ANOS1: variants seen among roughly 807,000 people sequenced by gnomAD.
ANOS1 encodes the protein anosmin-1.
In ANOS1, 6 loss-of-function variants were observed where a neutral mutation model predicts 59.0. That is an observed-to-expected ratio of 0.10 (90% CI 0.06 to 0.20). The LOEUF is 0.20. Ranked by LOEUF, ANOS1 falls within the 10% of genes least tolerant of loss-of-function variation. The pLI is 1.00. For synonymous variants in ANOS1, 217 were observed against 223.4 expected, an observed-to-expected ratio of 0.97 and a Z score of 0.25; for missense variants, 433 against 542.3, an observed-to-expected ratio of 0.80 and a Z score of 2.00.
chrX:8,668,624 T>C (rs1336502396), intron 2 of ANOS1, among the ~76,000 whole-genome samples: 1 of 106,325 alleles, frequency 9.4e-6, no homozygotes, highest in African/African-American at 3.4e-5. Flanking sequence ...TATCCACTCA[T>C]TGACTGATGA....
intron 1 of ANOS1, 139 bp downstream of exon 1, chrX:8,731,691 T>C: frequency 9.4e-7 from 1 of 1,059,597 alleles, no homozygotes; most frequent in East Asian, 3.9e-5. Flanking sequence ...GACTGTAAGA[T>C]CCACGCCCAG....
At chrX:8,600,210 T>C (rs1287614953) in intron 3 of ANOS1, among the ~76,000 whole-genome samples, 1 of 112,354 alleles carries the variant, frequency 8.9e-6, no homozygotes, top group Non-Finnish European at 1.9e-5. Context: ...ACAGAAAATT[T>C]TTATACCATG....
chrX:8,578,555 T>C (rs1171899780), intron 6 of ANOS1, among the ~76,000 whole-genome samples: 2 of 111,894 alleles, frequency 1.8e-5, no homozygotes, highest in Non-Finnish European at 3.8e-5. Context: ...ATGCATGGAA[T>C]AACATCCAGT....
At chrX:8,597,516 C>T (rs1930761816) in intron 3 of ANOS1, among the ~76,000 whole-genome samples, 1 of 110,546 alleles carries the variant, frequency 9.0e-6, no homozygotes, top group Non-Finnish European at 1.9e-5. Context: ...GTTCACAGAT[C>T]ATATATTCTA....
chrX:8,573,463 T>C (rs1380573993), intron 6 of ANOS1, among the ~76,000 whole-genome samples: 4 of 111,048 alleles, frequency 3.6e-5, no homozygotes, highest in African/African-American at 1.3e-4. Context: ...GTGTTCTGCA[T>C]CTGAATTCAG....
intron 1 of ANOS1, among the ~76,000 whole-genome samples, chrX:8,731,025 G>A (rs907136871): frequency 1.8e-5 from 2 of 111,799 alleles, no homozygotes; most frequent in South Asian, 3.7e-4. Flanking sequence ...AAGCGCGCGC[G>A]CACACACACA....
chrX:8,685,596 GGAAGA>G (rs1569082541), intron 2 of ANOS1, among the ~76,000 whole-genome samples: 1 of 64,898 alleles, frequency 1.5e-5, no homozygotes, highest in African/African-American at 6.6e-5. Flanking sequence ...GAGAAAGAAA[GGAAGA>G]AAGAAAGAAA....
intron 10 of ANOS1, among the ~76,000 whole-genome samples, chrX:8,538,851 G>A (rs1411809915): frequency 8.9e-6 from 1 of 111,927 alleles, no homozygotes; most frequent in African/African-American, 3.2e-5. Flanking sequence ...TTAAAATTAT[G>A]CCAGCAGGTA....
At chrX:8,642,725 T>G (rs1454486689) in intron 2 of ANOS1, among the ~76,000 whole-genome samples, 4 of 111,698 alleles carry the variant, frequency 3.6e-5, no homozygotes, top group Non-Finnish European at 7.5e-5. Flanking sequence ...ACTAAGCACA[T>G]GGATCGGTAT....
intron 8 of ANOS1, among the ~76,000 whole-genome samples, chrX:8,564,901 C>A (rs1191864485): frequency 9.0e-6 from 1 of 111,422 alleles, no homozygotes; most frequent in African/African-American, 3.3e-5. Context: ...TGCAATGTGG[C>A]TCAAAGGAGA....
intron 2 of ANOS1, among the ~76,000 whole-genome samples, chrX:8,656,705 C>T (rs987616778): frequency 9.0e-6 from 1 of 111,569 alleles, no homozygotes; most frequent in Non-Finnish European, 1.9e-5. Flanking sequence ...TCTGCAAAGT[C>T]CAGGCTCTTT....
intron 2 of ANOS1, among the ~76,000 whole-genome samples, chrX:8,692,376 G>A (rs973164934): frequency 7.2e-5 from 8 of 110,993 alleles, no homozygotes; most frequent in Middle Eastern, 9.2e-3. Flanking sequence ...GTTACTATCT[G>A]GTGTTTTTTT....
chrX:8,622,722 T>A (rs1288687499), intron 3 of ANOS1, among the ~76,000 whole-genome samples: 1 of 112,435 alleles, frequency 8.9e-6, no homozygotes, highest in Admixed American at 9.4e-5. Context: ...CCAGGCAGTC[T>A]GCTTGGCCTT....
chrX:8,655,287 G>T (rs997245189), intron 2 of ANOS1, among the ~76,000 whole-genome samples: 10 of 111,457 alleles, frequency 9.0e-5, no homozygotes, highest in African/African-American at 2.9e-4. Flanking sequence ...CTCATAAGGA[G>T]CCTGCAACCT....
chrX:8,698,921 C>G (rs1390401112), intron 2 of ANOS1, among the ~76,000 whole-genome samples: 1 of 111,600 alleles, frequency 9.0e-6, no homozygotes, highest in Admixed American at 9.6e-5. Flanking sequence ...CCTTAGATTA[C>G]TTGTTGTTTA....
intron 3 of ANOS1, among the ~76,000 whole-genome samples, chrX:8,599,299 G>T (rs1930798737): frequency 8.9e-6 from 1 of 111,955 alleles, no homozygotes; most frequent in African/African-American, 3.2e-5. Context: ...TCACAACAGG[G>T]TTAGGAATAT....
At chrX:8,542,701 C>A (rs1352224356) in intron 9 of ANOS1, among the ~76,000 whole-genome samples, 1 of 110,866 alleles carries the variant, frequency 9.0e-6, no homozygotes, top group Non-Finnish European at 1.9e-5. Flanking sequence ...GCTGGTGGTG[C>A]CCTTCCACCA....
chrX:8,731,364 G>C (rs947661792), intron 1 of ANOS1, among the ~76,000 whole-genome samples: 3 of 111,774 alleles, frequency 2.7e-5, no homozygotes, highest in African/African-American at 9.8e-5. Flanking sequence ...ACAAAGTGTC[G>C]GCCCGCGGGC....
chrX:8,586,545 G>A (rs1409997152), intron 5 of ANOS1, among the ~76,000 whole-genome samples: 1 of 111,825 alleles, frequency 8.9e-6, no homozygotes, highest in East Asian at 2.8e-4. Context: ...TAATAAAAGA[G>A]CTTTTCACTT....
Sources: gnomAD v4.1 joint callset for allele counts (sites outside exome capture counted in the v4.1 genomes callset) on GRCh38, gnomAD v4.1.1 for gene constraint, MANE v1.5 for transcripts, NCBI Gene and HGNC (gene_info 2026-07-23, HGNC 2026-07-21) for gene names.